The following DSE variants were observed in gnomAD, a reference collection of about 807,000 sequenced individuals.
DSE encodes the protein dermatan sulfate epimerase.
A neutral mutation model predicts 84.4 loss-of-function variants in DSE; 36 were observed. The observed-to-expected ratio is 0.43, with a 90% CI of 0.33 to 0.56. The LOEUF (loss-of-function observed/expected upper bound fraction) is 0.56. Ranked by LOEUF, DSE falls within the 20% of genes least tolerant of loss-of-function variation. DSE has a pLI of 0.06. For missense variants in DSE, 862 were observed against 1,169.6 expected, an observed-to-expected ratio of 0.74 and a Z score of 3.84; for synonymous variants, 410 against 430.1, an observed-to-expected ratio of 0.95 and a Z score of 0.58.
chr6:116,303,977 T>TA (rs1479293082), intron 2 of DSE, among the ~76,000 whole-genome samples: 14 of 151,240 alleles, frequency 9.3e-5, no homozygotes, highest in East Asian at 3.9e-4. Flanking sequence ...GTACTAAAAA[T>TA]ACAAAAAAAC....
chr6:116,371,270 G>A, intron 1 of DSE, 149 bp downstream of exon 1: 1 of 940,982 alleles, frequency 1.1e-6, no homozygotes, highest in Non-Finnish European at 1.3e-6. Context: ...CGCGGGTTGC[G>A]CGCCCGGGCC....
intron 2 of DSE, among the ~76,000 whole-genome samples, chr6:116,297,200 A>G (rs1052620386): frequency 6.6e-6 from 1 of 152,240 alleles, no homozygotes; most frequent in East Asian, 1.9e-4. Flanking sequence ...CCTAGGAGCC[A>G]TCCTTAGCCA....
intron 2 of DSE, among the ~76,000 whole-genome samples, chr6:116,403,981 G>A (rs1463115547): frequency 6.6e-6 from 1 of 152,178 alleles, no homozygotes; most frequent in East Asian, 1.9e-4. Context: ...AGGGAGTGGG[G>A]GTGGTGAAAA....
At chr6:116,380,027 T>C (rs1446205223) in intron 1 of DSE, among the ~76,000 whole-genome samples, 1 of 152,178 alleles carries the variant, frequency 6.6e-6, no homozygotes, top group East Asian at 1.9e-4. Context: ...CTTTATGTGC[T>C]TACACCTTTT....
intron 2 of DSE, among the ~76,000 whole-genome samples, chr6:116,357,697 TC>T (rs1302852640): frequency 6.6e-6 from 1 of 152,142 alleles, no homozygotes; most frequent in Non-Finnish European, 1.5e-5. Flanking sequence ...AGAAACTACT[TC>T]CCCTACCACA....
chr6:116,312,036 T>A (rs559150736), intron 2 of DSE, among the ~76,000 whole-genome samples: 117 of 152,322 alleles, frequency 7.7e-4, no homozygotes, highest in African/African-American at 2.8e-3. Flanking sequence ...AGAGTAGAAG[T>A]ACCACCATAT....
rs1387455192 is a variant in DSE at position 116,371,013 on chromosome 6, G to A, written c.-162G>A. 1.0e-6 allele frequency: 1 copy of A among 985,544 alleles called. No individual in the cohort carries two copies. The allele number at this position is 985,544 out of a possible 1,614,324, so 61.0% of individuals were successfully genotyped here. A position where few individuals can be genotyped will look rare whatever the true frequency, so the allele number is the denominator to read the frequency against. On this transcript the variant is annotated 5_prime_UTR_variant, in exon 1 of 6. Coordinates refer to ENST00000644252, the MANE Select transcript of DSE (RefSeq NM_013352.4). ...GGCGCGGCGGGGGCGCGGAGGGCTC[G>A]GTTCGGAGGGGGCCGGGAGCCCGGG...
At chr6:116,426,890 A>G in intron 3 of DSE, 63 bp downstream of exon 3, 3 of 1,543,756 alleles carry the variant, frequency 1.9e-6, no homozygotes, top group African/African-American at 1.4e-5. Flanking sequence ...CCATGTTGTG[A>G]GCAAAGCATT....
intron 2 of DSE, among the ~76,000 whole-genome samples, chr6:116,260,520 C>A (rs1224711371): frequency 6.6e-6 from 1 of 152,108 alleles, no homozygotes. Flanking sequence ...GCTTTTGTTG[C>A]AATTGTTTTT....
intron 2 of DSE, chr6:116,412,757 T>C (rs1383408395): frequency 6.6e-6 from 1 of 152,126 alleles, no homozygotes; most frequent in Non-Finnish European, 1.5e-5. Context: ...AGTATGTATA[T>C]TGTGTGATGC....
intron 2 of DSE, among the ~76,000 whole-genome samples, chr6:116,362,861 T>G (rs758193114): frequency 5.3e-5 from 8 of 152,216 alleles, no homozygotes; most frequent in Non-Finnish European, 5.9e-5. Context: ...TAACCATACT[T>G]GAGAACAAAT....
In DSE at chr6:116,300,758, T is replaced by G. The variant is rs148852254; in HGVS notation, c.-54+41791T>G. Among the ~76,000 whole-genome samples the G allele has an allele frequency of 2.6e-5, 4 of 152,334 alleles. No homozygotes were observed. The East Asian group carries it at 7.7e-4, about 29-fold the overall frequency. On this transcript the variant is annotated intron_variant, in intron 2 of 3. Transcript: ENST00000430252. ...GTAACAAGTTCTCTTCACTGCTTTT[T>G]AGTGTAAAGTTTCAGTTCAGGGAAA...
exon 1 of DSE, chr6:116,254,239 G>C: frequency 1.4e-6 from 1 of 701,252 alleles, no homozygotes; most frequent in Non-Finnish European, 2.6e-6. Flanking sequence ...AAAGAATTTC[G>C]TCAGTCTGGA....
At chr6:116,259,864 C>T (rs1194377906) in intron 2 of DSE, among the ~76,000 whole-genome samples, 1 of 152,078 alleles carries the variant, frequency 6.6e-6, no homozygotes, top group African/African-American at 2.4e-5. Context: ...TGTATATGTA[C>T]CACATTTTCT....
intron 2 of DSE, among the ~76,000 whole-genome samples, chr6:116,307,735 T>C (rs1775435369): frequency 6.6e-6 from 1 of 152,228 alleles, no homozygotes; most frequent in African/African-American, 2.4e-5. Flanking sequence ...GCAGATATTT[T>C]ATTGAAAACA....
chr6:116,359,360 A>C (rs1374962451), intron 2 of DSE, among the ~76,000 whole-genome samples: 1 of 152,076 alleles, frequency 6.6e-6, no homozygotes, highest in South Asian at 2.1e-4. Flanking sequence ...CCTCCTTCTA[A>C]ACCTCCATAC....
rs532846557 is a variant in DSE at position 116,429,640 on chromosome 6, A to G, written c.671-1314A>G. Among the ~76,000 whole-genome samples the G allele has an allele frequency of 2.0e-5, 3 of 152,248 alleles. No homozygotes were observed. In the East Asian group the frequency reaches 5.8e-4, roughly 29 times the overall value. ...GATTCTGTTCAGTGCTGTGTAAGTT[A>G]TAAATGTTATAGAAATATGAGGAGT... On this transcript the variant is annotated intron_variant, in intron 3 of 5. Transcript: ENST00000644252.
chr6:116,313,129 G>A (rs1775784237), intron 2 of DSE, among the ~76,000 whole-genome samples: 2 of 152,124 alleles, frequency 1.3e-5, no homozygotes, highest in South Asian at 2.1e-4. Flanking sequence ...CAGGAAGAAC[G>A]CCATGTAAAG....
chr6:116,271,296 A>ACT (rs1400994284), intron 2 of DSE, among the ~76,000 whole-genome samples: 1 of 152,202 alleles, frequency 6.6e-6, no homozygotes, highest in Non-Finnish European at 1.5e-5. Context: ...CTGTTTCAGT[A>ACT]GCTCATGGGT....
Sources: allele counts gnomAD v4.1 joint callset (sites outside exome capture counted in the v4.1 genomes callset), GRCh38; gene constraint gnomAD v4.1.1; transcripts MANE v1.5; gene names NCBI Gene and HGNC (gene_info 2026-07-23, HGNC 2026-07-21).